The following CDH13 variants were observed in gnomAD, a reference collection of about 807,000 sequenced individuals.
The protein encoded by CDH13 is cadherin 13.
CDH13 carries 24 observed loss-of-function variants against 63.8 expected under a neutral mutation model. The ratio of observed to expected loss-of-function variants is 0.38; its 90% CI spans 0.27 to 0.53. The LOEUF (loss-of-function observed/expected upper bound fraction) is 0.53, where lower values mean the gene tolerates loss of function less well. CDH13 is among the 20% of genes least tolerant of loss of function. The pLI, the probability that CDH13 is intolerant of heterozygous loss-of-function variation, is 0.85. For missense variants in CDH13, 1,049 were observed against 903.1 expected (o/e 1.16, Z -2.07); for synonymous variants, 503 against 355.3 (o/e 1.42, Z -4.67).
chr16:83,718,654 C>T (rs1006572910), intron 10 of CDH13, among the ~76,000 whole-genome samples: 1 of 152,054 alleles, frequency 6.6e-6, no homozygotes, highest in Admixed American at 6.6e-5. Flanking sequence ...ATATTGAGGT[C>T]CTAGGGAAAA....
chr16:83,785,374 C>G (rs916558164), intron 13 of CDH13, among the ~76,000 whole-genome samples: 2 of 152,306 alleles, frequency 1.3e-5, no homozygotes, highest in Non-Finnish European at 1.5e-5. Context: ...TCTGGGGCAT[C>G]TCATCCCATC....
intron 3 of CDH13, among the ~76,000 whole-genome samples, chr16:83,088,694 C>T (rs1413962024): frequency 6.6e-6 from 1 of 152,118 alleles, no homozygotes; most frequent in Non-Finnish European, 1.5e-5. Context: ...TTACATGGCT[C>T]AACATGTTTA....
intron 7 of CDH13, among the ~76,000 whole-genome samples, chr16:83,521,799 C>G (rs1329731419): frequency 6.6e-6 from 1 of 152,214 alleles, no homozygotes; most frequent in Non-Finnish European, 1.5e-5. Context: ...AGTGCTGGTT[C>G]TGCCACTGAC....
At chr16:83,125,771 A>G (rs2035782611) in intron 4 of CDH13, among the ~76,000 whole-genome samples, 1 of 152,202 alleles carries the variant, frequency 6.6e-6, no homozygotes, top group South Asian at 2.1e-4. Context: ...TGGTTAAGAA[A>G]CAAGGCTCAT....
chr16:83,100,410 A>G (rs1167684541), intron 3 of CDH13, among the ~76,000 whole-genome samples: 4 of 152,198 alleles, frequency 2.6e-5, no homozygotes, highest in African/African-American at 9.7e-5. Context: ...ATTTCAGAAG[A>G]GAGGAAACTG....
chr16:83,566,177 G>A (rs1227043147), intron 7 of CDH13, among the ~76,000 whole-genome samples: 3 of 152,134 alleles, frequency 2.0e-5, no homozygotes, highest in Non-Finnish European at 4.4e-5. Flanking sequence ...TCTTGGGGAT[G>A]TCCAGGCATT....
intron 2 of CDH13, among the ~76,000 whole-genome samples, chr16:83,016,738 C>T (rs982345245): frequency 2.0e-5 from 3 of 152,066 alleles, no homozygotes; most frequent in Non-Finnish European, 4.4e-5. Context: ...ATCAAGGTAG[C>T]ACAAGGCCAT....
intron 4 of CDH13, among the ~76,000 whole-genome samples, chr16:83,155,991 C>T (rs1308275332): frequency 1.3e-5 from 2 of 152,114 alleles, no homozygotes; most frequent in Non-Finnish European, 1.5e-5. Context: ...CCGGGTGAGT[C>T]CACATGCAGC....
chr16:82,888,205 G>A (rs2040958484), intron 2 of CDH13, among the ~76,000 whole-genome samples: 1 of 152,136 alleles, frequency 6.6e-6, no homozygotes, highest in Non-Finnish European at 1.5e-5. Context: ...CTATGACCTT[G>A]CCATAGAAAG....
intron 5 of CDH13, among the ~76,000 whole-genome samples, chr16:83,301,541 G>T (rs1388511523): frequency 6.6e-6 from 1 of 152,146 alleles, no homozygotes; most frequent in Non-Finnish European, 1.5e-5. Context: ...CTCGTGGGGA[G>T]GGAGCAGTGA....
chr16:83,604,500 G>T (rs1469700614), intron 8 of CDH13, among the ~76,000 whole-genome samples: 1 of 152,126 alleles, frequency 6.6e-6, no homozygotes, highest in Admixed American at 6.5e-5. Flanking sequence ...ACTTTTAAAT[G>T]GTTTATTTAA....
intron 3 of CDH13, among the ~76,000 whole-genome samples, chr16:83,107,140 T>C (rs2151613812): frequency 6.6e-6 from 1 of 152,320 alleles, no homozygotes; most frequent in Admixed American, 6.5e-5. Context: ...AAGAGTTTCC[T>C]ACATTAGGTT....
At chr16:82,987,523 C>A (rs1298840777) in intron 2 of CDH13, among the ~76,000 whole-genome samples, 1 of 152,062 alleles carries the variant, frequency 6.6e-6, no homozygotes. Flanking sequence ...ATTACAGGCC[C>A]CTAAAACCAC....
At chr16:83,128,727 T>C (rs1021038049) in intron 4 of CDH13, among the ~76,000 whole-genome samples, 2 of 152,250 alleles carry the variant, frequency 1.3e-5, no homozygotes, top group African/African-American at 4.8e-5. Flanking sequence ...AATGGGTCCA[T>C]AAGCATGCAG....
chr16:83,632,412 C>G (rs954827246), intron 8 of CDH13, among the ~76,000 whole-genome samples: 8 of 152,164 alleles, frequency 5.3e-5, no homozygotes, highest in African/African-American at 1.9e-4. Flanking sequence ...GTAATGAAGG[C>G]CAGCAGCTCC....
At chr16:83,264,501 CATGT>C (rs1907360776) in intron 5 of CDH13, among the ~76,000 whole-genome samples, 3 of 151,310 alleles carry the variant, frequency 2.0e-5, no homozygotes, top group Non-Finnish European at 4.4e-5. Context: ...ATATTATACA[CATGT>C]ATGTGTGTGT....
At chr16:83,746,405 A>G (rs1335500440) in intron 10 of CDH13, among the ~76,000 whole-genome samples, 1 of 152,162 alleles carries the variant, frequency 6.6e-6, no homozygotes, top group Non-Finnish European at 1.5e-5. Flanking sequence ...CATTTAGCAA[A>G]CCACAAACAA....
chr16:83,071,341 A>C (rs2032424147), intron 3 of CDH13, among the ~76,000 whole-genome samples: 1 of 152,162 alleles, frequency 6.6e-6, no homozygotes, highest in African/African-American at 2.4e-5. Flanking sequence ...TTCTCGGATA[A>C]GGAGACTGGG....
intron 3 of CDH13, among the ~76,000 whole-genome samples, chr16:83,034,893 G>A (rs560755928): frequency 6.6e-6 from 1 of 152,096 alleles, no homozygotes; most frequent in African/African-American, 2.4e-5. Context: ...GCTTGCTGCT[G>A]TCTGTACGCA....
Sources: allele counts gnomAD v4.1 joint callset (sites outside exome capture counted in the v4.1 genomes callset), GRCh38; gene constraint gnomAD v4.1.1; transcripts MANE v1.5; gene names NCBI Gene and HGNC (gene_info 2026-07-23, HGNC 2026-07-21).